ETV5: variants seen among roughly 807,000 people sequenced by gnomAD.
ETV5 encodes the protein ETS translocation variant 5.
ETV5 carries 10 observed loss-of-function variants against 70.0 expected under a neutral mutation model. That is an observed-to-expected ratio of 0.14 (90% CI 0.09 to 0.24). The LOEUF is 0.24. ETV5 is among the 10% of genes least tolerant of loss of function. ETV5 has a pLI of 1.00. For synonymous variants in ETV5, 216 were observed against 242.2 expected, an observed-to-expected ratio of 0.89 and a Z score of 1.01; for missense variants, 453 against 651.2, an observed-to-expected ratio of 0.70 and a Z score of 3.31.
At chr3:186,090,278 C>T (rs1714150297) in intron 5 of ETV5, among the ~76,000 whole-genome samples, 1 of 152,180 alleles carries the variant, frequency 6.6e-6, no homozygotes, top group African/African-American at 2.4e-5. Context: ...GCTGGTCATA[C>T]CTAATGTCTA....
chr3:186,105,768 G>A lies in ETV5; in HGVS notation c.45+56C>T, dbSNP rs1714572583. ...AAGTGTAGTAAAGAGGTCCACAGGG[G>A]GAAGACTCATATTGGAGAGGGAGGA... On this transcript the variant is annotated intron_variant, in intron 2 of 12. Transcript: ENST00000306376. The surrounding 1 kb of genome is among the most constrained non-coding windows in gnomAD (Gnocchi z 4.5). The A allele has an allele frequency of 1.2e-6, 2 of 1,610,780 alleles. No individual in the cohort carries two copies. The highest frequency in any genetic ancestry group is 1.3e-5 in the African/African-American group (1 of 74,948).
rs1025434873 is a variant in ETV5, at chr3:186,078,915, T to C, written c.650+902A>G. The C allele has an allele frequency of 1.0e-5, 3 of 285,972 alleles. No individual in the cohort carries two copies. The Admixed American group carries it at 1.7e-4, about 16-fold the overall frequency. The allele number at this position is 285,972 out of a possible 1,614,324, so 17.7% of individuals were successfully genotyped here. Reference sequence around the variant, plus strand: ...AAAATGACCTCCAAGTAAATACTGGTAGGCATCTGGAATGGACCAGGCCTG... The same window carrying C: ...AAAATGACCTCCAAGTAAATACTGGCAGGCATCTGGAATGGACCAGGCCTG... On this transcript the variant is annotated intron_variant, in intron 7 of 12. Coordinates refer to ENST00000306376, the MANE Select transcript of ETV5 (RefSeq NM_004454.3).
chr3:186,067,426 G>A (rs1313845037), intron 7 of ETV5, among the ~76,000 whole-genome samples: 3 of 152,058 alleles, frequency 2.0e-5, no homozygotes, highest in Admixed American at 6.6e-5. Context: ...GCGAGACTCC[G>A]TCTCAAAATA....
chr3:186,098,924 C>T (rs1224677050), intron 5 of ETV5, among the ~76,000 whole-genome samples: 1 of 152,176 alleles, frequency 6.6e-6, no homozygotes, highest in Non-Finnish European at 1.5e-5. Context: ...GTCCTTCTGA[C>T]CACAGAATCC....
intron 9 of ETV5, among the ~76,000 whole-genome samples, chr3:186,063,373 C>T (rs749364617): frequency 2.2e-4 from 33 of 152,230 alleles, no homozygotes; most frequent in Non-Finnish European, 1.0e-4. Context: ...TGCTATGGAA[C>T]ACTTATGCAT....
At chr3:186,061,761 A>T (rs140993399) in intron 9 of ETV5, among the ~76,000 whole-genome samples, 30 of 152,300 alleles carry the variant, frequency 2.0e-4, no homozygotes, top group African/African-American at 6.7e-4. Context: ...CTCAGTCCCT[A>T]CCAGGGCTCC....
chr3:186,053,939 C>A (rs946492700), intron 11 of ETV5, among the ~76,000 whole-genome samples: 1 of 152,172 alleles, frequency 6.6e-6, no homozygotes, highest in Non-Finnish European at 1.5e-5. Flanking sequence ...TCAGAGAAGC[C>A]CAGCCTCATC....
Position 186,047,791 on chromosome 3 carries a change from G to GT in ETV5, c.*847dup, listed in dbSNP as rs5855080. On this transcript the variant is annotated 3_prime_UTR_variant, in exon 13 of 13. Coordinates refer to ENST00000306376, the MANE Select transcript of ETV5 (RefSeq NM_004454.3). ...CACAGTTACCAAAAGGTTTGTTTTT[G>GT]TTTTTTGTTTTTCGTTTTTTTGCTT... 0.66 allele frequency: 153,431 copies of GT among 233,218 alleles called. 51,621 individuals carry two copies. Among genetic ancestry groups the GT allele is most frequent in the Non-Finnish European group, 0.72 (84,641 of 117,838 alleles). 14.4% of individuals were successfully genotyped at this position (233,218 alleles called of 1,614,324 possible).
chr3:186,088,771 T>C (rs1714116433), intron 5 of ETV5, among the ~76,000 whole-genome samples: 1 of 152,180 alleles, frequency 6.6e-6, no homozygotes, highest in African/African-American at 2.4e-5. Flanking sequence ...GTCTGAGTAC[T>C]CCACTGGCAA....
intron 5 of ETV5, among the ~76,000 whole-genome samples, chr3:186,094,348 G>C (rs941265026): frequency 6.6e-6 from 1 of 152,050 alleles, no homozygotes; most frequent in Non-Finnish European, 1.5e-5. Flanking sequence ...CTTATTCTCG[G>C]GACAAAATTG....
intron 5 of ETV5, among the ~76,000 whole-genome samples, chr3:186,093,112 A>G (rs184688937): frequency 1.3e-5 from 2 of 152,244 alleles, no homozygotes; most frequent in South Asian, 2.1e-4. Flanking sequence ...GAAATCCAGC[A>G]TATCAGCAAT....
intron 9 of ETV5, among the ~76,000 whole-genome samples, chr3:186,059,100 T>C (rs1203215154): frequency 6.6e-6 from 1 of 151,950 alleles, no homozygotes; most frequent in Non-Finnish European, 1.5e-5. Flanking sequence ...AATTTCACCA[T>C]TCTTTGTTTC....
chr3:186,080,204 G>A (rs1285244397), intron 6 of ETV5, 100 bp from the exon 7 acceptor site: 3 of 956,582 alleles, frequency 3.1e-6, no homozygotes, highest in Admixed American at 3.9e-5. Flanking sequence ...ATTGTTGCCA[G>A]GAAATAACAG....
At chr3:186,056,985 G>C in intron 11 of ETV5, 90 bp downstream of exon 11, 1 of 1,458,324 alleles carries the variant, frequency 6.9e-7, no homozygotes, top group African/African-American at 1.4e-5. Context: ...GAGCAGACTT[G>C]ACACAAAAAG....
At chr3:186,106,613 T>A (rs1426396436) in intron 1 of ETV5, among the ~76,000 whole-genome samples, 5 of 152,190 alleles carry the variant, frequency 3.3e-5, no homozygotes, top group African/African-American at 1.2e-4. Flanking sequence ...AAGAGTAAAA[T>A]GTCTATGAAA....
At chr3:186,069,440 T>C (rs942907585) in intron 7 of ETV5, among the ~76,000 whole-genome samples, 5 of 151,264 alleles carry the variant, frequency 3.3e-5, no homozygotes, top group African/African-American at 1.2e-4. Flanking sequence ...GTTTAGAACA[T>C]GGGCACCGGC....
chr3:186,060,071 T>C (rs773538860), intron 9 of ETV5, among the ~76,000 whole-genome samples: 1 of 152,224 alleles, frequency 6.6e-6, no homozygotes, highest in South Asian at 2.1e-4. Context: ...CGATCTTCCA[T>C]ATGTATTTTG....
chr3:186,073,641 A>T (rs1023056146), intron 7 of ETV5, among the ~76,000 whole-genome samples: 7 of 152,274 alleles, frequency 4.6e-5, no homozygotes. Context: ...AAACATATCT[A>T]TAAAGAACTC....
At chr3:186,102,057 G>A (rs890618342) in intron 5 of ETV5, among the ~76,000 whole-genome samples, 1 of 152,016 alleles carries the variant, frequency 6.6e-6, no homozygotes, top group African/African-American at 2.4e-5. Context: ...TAAAAGCAAT[G>A]GTTTCATTCA....
Sources: allele counts gnomAD v4.1 joint callset (sites outside exome capture counted in the v4.1 genomes callset), GRCh38; gene constraint gnomAD v4.1.1; non-coding constraint Gnocchi (gnomAD v3.1); transcripts MANE v1.5; gene names NCBI Gene and HGNC (gene_info 2026-07-23, HGNC 2026-07-21).